Variants in ZDHHC11 observed in about 807,000 individuals in gnomAD.
ZDHHC11 encodes zDHHC palmitoyltransferase 11, also known as palmitoyltransferase ZDHHC11.
Under a neutral mutation model 51.3 loss-of-function variants are expected in ZDHHC11, and 44 were observed. That is an observed-to-expected ratio of 0.86 (90% CI 0.67 to 1.10). ZDHHC11 has a LOEUF of 1.10. Ranked by LOEUF, ZDHHC11 falls within the 50% of genes least tolerant of loss-of-function variation. ZDHHC11 has a pLI of 0.00. For missense variants in ZDHHC11, 400 were observed against 537.7 expected (o/e 0.74, Z 2.53); for synonymous variants, 163 against 222.0 (o/e 0.73, Z 2.36).
At position 795,912 on chromosome 5, in the gene ZDHHC11, T is replaced by C. The variant is rs1209892600; in HGVS notation, c.*676A>G. On this transcript the variant is annotated 3_prime_UTR_variant, in exon 13 of 13. Transcript: ENST00000283441. ...ACTGTGGGCTCCCATTTCCCAGTAC[T>C]GTGCTCCCATTTCCCAGTACTGTGT... The C allele has an allele frequency of 2.5e-5, 2 of 80,096 alleles. No individual in the cohort carries two copies. Among genetic ancestry groups the C allele is most frequent in the African/African-American group, 7.2e-5 (1 of 13,824 alleles). 5.0% of individuals were successfully genotyped at this position (80,096 alleles called of 1,614,324 possible).
chr5:841,785 G>T, intron 4 of ZDHHC11: 1 of 996,150 alleles, frequency 1.0e-6, no homozygotes, highest in Non-Finnish European at 1.2e-6. Context: ...AGAGGGCCAG[G>T]CAAGGCAGAA....
chr5:823,260 T>C (rs1197726159), intron 8 of ZDHHC11: 1 of 150,874 alleles, frequency 6.6e-6, no homozygotes, highest in African/African-American at 2.4e-5. Context: ...CCTCTTACTA[T>C]GAGGTCTCTG....
chr5:844,042 G>GA (rs1225556142), intron 3 of ZDHHC11, among the ~76,000 whole-genome samples: 16 of 149,476 alleles, frequency 1.1e-4, no homozygotes, highest in Non-Finnish European at 1.6e-4. Context: ...GGGCGCAGGG[G>GA]TGGGGACGCG....
At chr5:854,929 G>T (rs1747932708), upstream of ZDHHC11, among the ~76,000 whole-genome samples, 2 of 149,518 alleles carry the variant, frequency 1.3e-5, no homozygotes, top group South Asian at 2.1e-4. Context: ...GTGAGCAGTG[G>T]GGATAGACCC....
At position 813,811 on chromosome 5, in the gene ZDHHC11, G is replaced by T. The variant is rs1286518348; in HGVS notation, c.1181+950C>A. On this transcript the variant is annotated intron_variant, in intron 11 of 12. Transcript: ENST00000283441. ...GGAGGAATATGGCAGGCAGGCTGGG[G>T]ACTGAGATGTGAGGTGAAGGCAGGA... is the stretch of plus-strand genomic sequence containing the variant. Among the ~76,000 whole-genome samples, 9 of 148,008 alleles carry T rather than the reference G, an allele frequency of 6.1e-5. 1 individual carries two copies. Among genetic ancestry groups the T allele is most frequent in the Non-Finnish European group, 1.3e-4 (9 of 67,322 alleles).
At chr5:815,632 G>C (rs751993117) in intron 10 of ZDHHC11, among the ~76,000 whole-genome samples, 4 of 151,092 alleles carry the variant, frequency 2.6e-5, no homozygotes, top group Non-Finnish European at 4.4e-5. Context: ...CTGGGGGTGA[G>C]AGTGTTGGGT....
intron 7 of ZDHHC11, among the ~76,000 whole-genome samples, chr5:829,882 AC>A (rs1177614185): frequency 6.6e-6 from 1 of 151,392 alleles, no homozygotes; most frequent in Non-Finnish European, 1.5e-5. Context: ...AGAATTAAAA[AC>A]AAAAAATCAG....
At chr5:803,190 T>C (rs905462699) in intron 11 of ZDHHC11, among the ~76,000 whole-genome samples, 1 of 151,258 alleles carries the variant, frequency 6.6e-6, no homozygotes, top group Non-Finnish European at 1.5e-5. Context: ...TTGTCCTCAA[T>C]AAATTTGAGG....
chr5:858,119 C>T (rs1748525015), intron 1 of ZDHHC11, among the ~76,000 whole-genome samples: 1 of 147,714 alleles, frequency 6.8e-6, no homozygotes, highest in Non-Finnish European at 1.5e-5. Context: ...TGGTCCCCGT[C>T]CTATCTTTAT....
intron 1 of ZDHHC11, among the ~76,000 whole-genome samples, chr5:857,821 G>A (rs1020307046): frequency 1.4e-5 from 2 of 139,800 alleles, no homozygotes; most frequent in African/African-American, 5.5e-5. Context: ...CCCTGAGTCT[G>A]TCCAGGTCCC....
intron 11 of ZDHHC11, among the ~76,000 whole-genome samples, chr5:809,020 C>CA (rs1390690453): frequency 4.9e-5 from 7 of 142,184 alleles, no homozygotes; most frequent in East Asian, 4.0e-4. Context: ...CACACGCACA[C>CA]TATTTATTCC....
chr5:833,253 G>A (rs1210552236), intron 7 of ZDHHC11, among the ~76,000 whole-genome samples: 3 of 152,322 alleles, frequency 2.0e-5, no homozygotes, highest in East Asian at 3.9e-4. Flanking sequence ...AAAATAAAAC[G>A]AACCGCACTG....
intron 1 of ZDHHC11, chr5:849,745 A>AT (rs1373371769): frequency 6.6e-6 from 1 of 152,576 alleles, no homozygotes; most frequent in Non-Finnish European, 1.5e-5. Flanking sequence ...AGCCAGGAGA[A>AT]GCTGGGCTCC....
intron 3 of ZDHHC11, 151 bp downstream of exon 3, chr5:847,363 C>G: frequency 1.8e-6 from 2 of 1,136,246 alleles, no homozygotes; most frequent in South Asian, 2.9e-5. Context: ...GGCCGGGGCA[C>G]GCAGGCACCA....
At position 840,728 on chromosome 5, in the gene ZDHHC11, C is replaced by T. The variant is rs560341134; in HGVS notation, c.629-78G>A. ...ATCAGGTGGACGTCACAGACCAGAG[C>T]GTGCTGGGGATGGGGCGGTGTGGGG... On this transcript the variant is annotated intron_variant, in intron 4 of 12. Transcript: ENST00000283441. 3,051 of 1,597,434 alleles carry T rather than the reference C, an allele frequency of 1.9e-3. 6 individuals carry two copies. Among genetic ancestry groups the T allele is most frequent in the Middle Eastern group, 8.0e-3 (48 of 5,966 alleles).
intron 4 of ZDHHC11, chr5:841,828 G>A (rs1228647818): frequency 2.0e-6 from 2 of 993,992 alleles, no homozygotes; most frequent in Non-Finnish European, 1.2e-6. Flanking sequence ...GAATGGCAGA[G>A]GGATGGATTC....
chr5:808,995 AC>A (rs1739704935), intron 11 of ZDHHC11, among the ~76,000 whole-genome samples: 1 of 143,750 alleles, frequency 7.0e-6, no homozygotes, highest in East Asian at 2.0e-4. Context: ...ACACACACAC[AC>A]ACACACACAC....
At chr5:841,301 C>A in intron 4 of ZDHHC11, 6 of 1,006,884 alleles carry the variant, frequency 6.0e-6, no homozygotes, top group Non-Finnish European at 7.1e-6. Context: ...TTACTAAGTG[C>A]CAGGGTCACA....
At chr5:799,543 T>A (rs2150274475) in intron 12 of ZDHHC11, among the ~76,000 whole-genome samples, 1 of 151,674 alleles carries the variant, frequency 6.6e-6, no homozygotes, top group South Asian at 2.1e-4. Flanking sequence ...GATGCTCACA[T>A]GGAAGGATGT....
Sources: allele counts gnomAD v4.1 joint callset (sites outside exome capture counted in the v4.1 genomes callset), GRCh38; gene constraint gnomAD v4.1.1; transcripts MANE v1.5; gene names NCBI Gene and HGNC (gene_info 2026-07-23, HGNC 2026-07-21).